The following ACAP1 variants were observed in gnomAD, a reference collection of about 807,000 sequenced individuals.
ACAP1 encodes the protein ArfGAP with coiled-coil, ankyrin repeat and PH domains 1, also known as arf-GAP with coiled-coil, ANK repeat and PH domain-containing protein 1.
Under a neutral mutation model 98.8 loss-of-function variants are expected in ACAP1, and 45 were observed. The ratio of observed to expected loss-of-function variants is 0.46; its 90% CI spans 0.36 to 0.58. ACAP1 has a LOEUF of 0.58. Ranked by LOEUF, ACAP1 falls within the 20% of genes least tolerant of loss-of-function variation. ACAP1 has a pLI of 0.00. For missense variants in ACAP1, 735 were observed against 971.4 expected (o/e 0.76, Z 3.24); for synonymous variants, 362 against 375.3 (o/e 0.96, Z 0.41).
At chr17:7,346,083 C>A in intron 10 of ACAP1, 161 bp from the exon 11 acceptor site, 1 of 712,668 alleles carries the variant, frequency 1.4e-6, no homozygotes, top group South Asian at 1.6e-5. Context: ...TTTAGATGTT[C>A]CAATCTGCAC....
intron 2 of ACAP1, among the ~76,000 whole-genome samples, chr17:7,339,101 T>C (rs897668538): frequency 8.3e-5 from 12 of 145,284 alleles, no homozygotes; most frequent in South Asian, 2.2e-4. Flanking sequence ...CCATCCTGGC[T>C]AACACTGTGA....
Position 7,350,867 on chromosome 17 carries a change from C to T in ACAP1, c.2073-83C>T, listed in dbSNP as rs538364325. Reference sequence around the variant, plus strand: ...CCTCGTGATCCGCCTGCCTCGGCCTCCCAAAGTGTTGGGATTACAGGCGTG... The same window carrying T: ...CCTCGTGATCCGCCTGCCTCGGCCTTCCAAAGTGTTGGGATTACAGGCGTG... On this transcript the variant is annotated intron_variant, in intron 20 of 21. Transcript: ENST00000158762. The surrounding 1 kb of genome is among the most constrained non-coding windows in gnomAD (Gnocchi z 4.6). 4.9e-6 allele frequency: 7 copies of T among 1,420,552 alleles called. No homozygotes were observed. The Admixed American group carries it at 1.0e-4, about 21-fold the overall frequency. The allele number at this position is 1,420,552 out of a possible 1,614,324, so 88.0% of individuals were successfully genotyped here.
rs766639011 is a variant in ACAP1 at position 7,346,383 on chromosome 17, C to T, written c.907-8C>T. 2 of 1,613,948 alleles carry T rather than the reference C, an allele frequency of 1.2e-6. No individual in the cohort carries two copies. Among genetic ancestry groups the T allele is most frequent in the Non-Finnish European group, 1.7e-6 (2 of 1,179,872 alleles). ...GACATCTGGCCCCTTATCACCTTAT[C>T]CTGCCAGGACCCTGTGACTGTGGTG... On this transcript the variant is annotated splice_region_variant and splice_polypyrimidine_tract_variant and intron_variant, in intron 11 of 21. Coordinates refer to ENST00000158762, the MANE Select transcript of ACAP1 (RefSeq NM_014716.4).
chr17:7,343,956 G>T lies in ACAP1; in HGVS notation c.669G>T (p.Gln223His). The T allele has an allele frequency of 6.3e-7, 1 of 1,586,826 alleles. No individual in the cohort carries two copies. The highest frequency in any genetic ancestry group is 8.6e-7 in the Non-Finnish European group (1 of 1,165,954). Residue 223 changes from glutamine to histidine, a missense_variant and splice_region_variant, in exon 8 of 22, where the codon CAG becomes CAT. Coordinates refer to ENST00000158762, the MANE Select transcript of ACAP1 (RefSeq NM_014716.4). This position sits in a 1 kb window ranked among gnomAD's most constrained non-coding sequence, Gnocchi z 4.9. ...AGTATCGAAAGGAGCTGGGCGCCCAGGTGGGGCCCCAGGGCACAGCAGGTG... is the reference window on the plus strand; with the variant it reads ...AGTATCGAAAGGAGCTGGGCGCCCATGTGGGGCCCCAGGGCACAGCAGGTG... ...LSQYRKELGA[Q>H]LHQLVLNSAR...
intron 5 of ACAP1, chr17:7,342,816 G>A (rs1044461202): frequency 2.0e-5 from 7 of 357,622 alleles, no homozygotes; most frequent in Non-Finnish European, 3.2e-5. Flanking sequence ...GCCGAGGCAG[G>A]AGAATCATTT....
intron 15 of ACAP1, 52 bp from the exon 16 acceptor site, chr17:7,348,075 A>G: frequency 6.2e-7 from 1 of 1,609,710 alleles, no homozygotes; most frequent in Non-Finnish European, 8.5e-7. Context: ...ATCCCTGAGG[A>G]GTCACTCACC....
In ACAP1 at chr17:7,350,982, C is replaced by T; in HGVS notation, c.2105C>T (p.Ala702Val). 6.2e-7 allele frequency: 1 copy of T among 1,614,144 alleles called. No individual in the cohort carries two copies. ...CTGGCAAAGATGAGGGAGGCTGAAGCGGCCCAGGGGCAGGCAGGTAAAGAA... is the reference window on the plus strand; with the variant it reads ...CTGGCAAAGATGAGGGAGGCTGAAGTGGCCCAGGGGCAGGCAGGTAAAGAA... ...LRLAKMREAE[A>V]AQGQAGDETY... is the part of the protein sequence containing the mutation. The change falls in exon 21 of 22, where the codon GCG (alanine) becomes GTG (valine). Residue 702 changes from alanine (A) to valine (V), a missense_variant. Ala to Val is a moderately conservative substitution (Grantham distance 64, BLOSUM62 0). This residue lies in a region of ACAP1 where 142 missense variants were observed against 224.1 expected (regional missense o/e 0.63). Coordinates refer to ENST00000158762, the MANE Select transcript of ACAP1 (RefSeq NM_014716.4). This position sits in a 1 kb window ranked among gnomAD's most constrained non-coding sequence, Gnocchi z 4.6.
intron 2 of ACAP1, among the ~76,000 whole-genome samples, chr17:7,339,118 G>A (rs1032349385): frequency 5.4e-5 from 8 of 149,276 alleles, no homozygotes; most frequent in East Asian, 2.1e-4. Flanking sequence ...GTGAAACCCC[G>A]TCTCTACTAA....
chr17:7,348,593 C>G, intron 17 of ACAP1, 118 bp downstream of exon 17: 3 of 1,166,080 alleles, frequency 2.6e-6, no homozygotes, highest in Non-Finnish European at 3.5e-6. Context: ...GTCGGAGGGA[C>G]CGGACTGCCG....
intron 2 of ACAP1, 63 bp downstream of exon 2, chr17:7,337,432 G>T (rs1469409085): frequency 5.5e-5 from 78 of 1,413,292 alleles, no homozygotes; most frequent in Non-Finnish European, 7.4e-5. Context: ...GGGCCAGGGA[G>T]AAAGCTGGAG....
In ACAP1 at chr17:7,342,074, G is replaced by C. The variant is rs756150724; in HGVS notation, c.231+7G>C. The stretch of plus-strand genomic sequence containing the variant: ...ACCAGAGCCCATGATGGCGGTATGC[G>C]GAGGGTCTGCATCTGGGAGGGAAGG... On this transcript the variant is annotated splice_region_variant and intron_variant, in intron 3 of 21. Transcript: ENST00000158762. The C allele has an allele frequency of 1.2e-5, 20 of 1,613,612 alleles. No individual in the cohort carries two copies. Among genetic ancestry groups the C allele is most frequent in the Non-Finnish European group, 1.6e-5 (19 of 1,179,842 alleles).
In ACAP1 at chr17:7,343,658, T is replaced by G; in HGVS notation, c.529-48T>G. 3 of 1,602,404 alleles carry G rather than the reference T, an allele frequency of 1.9e-6. No homozygotes were observed. The highest frequency in any genetic ancestry group is 2.6e-6 in the Non-Finnish European group (3 of 1,172,408). ...GTGTGCAGTGGGAAGGGGTGCTGTG[T>G]CTTCAAGACTGATCTGGGGTTTTTT... is the stretch of plus-strand genomic sequence containing the variant. On this transcript the variant is annotated intron_variant, in intron 6 of 21. Transcript: ENST00000158762. The surrounding 1 kb of genome is among the most constrained non-coding windows in gnomAD (Gnocchi z 4.9).
At position 7,343,619 on chromosome 17, in the gene ACAP1, C is replaced by G. The variant is rs772433519; in HGVS notation, c.528+57C>G. The G allele has an allele frequency of 3.8e-6, 6 of 1,596,612 alleles. No individual in the cohort carries two copies. Among genetic ancestry groups the G allele is most frequent in the Admixed American group, 1.7e-5 (1 of 59,016 alleles). On this transcript the variant is annotated intron_variant, in intron 6 of 21. Coordinates refer to ENST00000158762, the MANE Select transcript of ACAP1 (RefSeq NM_014716.4). The surrounding 1 kb of genome is among the most constrained non-coding windows in gnomAD (Gnocchi z 4.9). Reference sequence around the variant, plus strand: ...CAGAGCCTCAAGTGTCACCTCGAGGCTTGGGGGTCTCCAGTGTGCAGTGGG... The same window carrying G: ...CAGAGCCTCAAGTGTCACCTCGAGGGTTGGGGGTCTCCAGTGTGCAGTGGG...
intron 1 of ACAP1, 141 bp downstream of exon 1, chr17:7,336,928 C>G (rs1027779099): frequency 3.5e-6 from 3 of 861,762 alleles, no homozygotes; most frequent in Non-Finnish European, 3.8e-6. Context: ...AAAGTGGTAC[C>G]CCAGCTGTGA....
rs1468561458 is a variant in ACAP1, at chr17:7,349,147, C to T, written c.1831C>T (p.Leu611=). ...TGGGGGCCAAGATAATGCCACACCG[C>T]TGATCCAGGCCACAGCTGCTGTAAG... ...VNGGQDNATP[L]IQATAANSLL... is the part of the protein sequence containing the mutation. Residue 611 remains leucine (L), a synonymous_variant, in exon 18 of 22, where the codon CTG becomes TTG. Coordinates refer to ENST00000158762, the MANE Select transcript of ACAP1 (RefSeq NM_014716.4). The T allele has an allele frequency of 1.2e-6, 2 of 1,613,894 alleles. No individual in the cohort carries two copies. Among genetic ancestry groups the T allele is most frequent in the African/African-American group, 1.3e-5 (1 of 74,898 alleles).
rs758111510 is a variant in ACAP1, at chr17:7,346,900, G to A, written c.1100G>A (p.Arg367His). Residue 367 changes from arginine (R) to histidine (H), a missense_variant, in exon 13 of 22, where the codon CGC (arginine) becomes CAC (histidine). Physicochemically the swap from Arg to His is conservative, Grantham distance 29. Around this residue, in one of 5 missense-constraint regions of ACAP1, gnomAD observed 430 missense variants for 531.8 expected, o/e 0.81. Transcript: ENST00000158762. ...SSIASAFSQA[R>H]LDDSPRGPGQ... ...ATTGCTTCTGCCTTCAGTCAGGCTC[G>A]CCTTGATGACAGCCCCCGGGGTCCA... The A allele has an allele frequency of 1.6e-5, 26 of 1,612,884 alleles. No individual in the cohort carries two copies. Among genetic ancestry groups the A allele is most frequent in the East Asian group, 2.2e-5 (1 of 44,864 alleles).
intron 10 of ACAP1, 163 bp from the exon 11 acceptor site, chr17:7,346,081 T>G: frequency 1.4e-6 from 1 of 709,684 alleles, no homozygotes; most frequent in Non-Finnish European, 2.5e-6. Flanking sequence ...CCTTTAGATG[T>G]TCCAATCTGC....
At position 7,351,463 on chromosome 17, in the gene ACAP1, C is replaced by A; in HGVS notation, c.*68C>A. 1.7e-6 allele frequency: 2 copies of A among 1,203,674 alleles called. No individual in the cohort carries two copies. Among genetic ancestry groups the A allele is most frequent in the Non-Finnish European group, 2.4e-6 (2 of 840,094 alleles). The allele number at this position is 1,203,674 out of a possible 1,614,324, so 74.6% of individuals were successfully genotyped here. On this transcript the variant is annotated 3_prime_UTR_variant, in exon 22 of 22. Coordinates refer to ENST00000158762, the MANE Select transcript of ACAP1 (RefSeq NM_014716.4). ...CCGGGCCCTCTGCCATTAAAGCCTCCGTGCTTCGCTCTTCCCTTCTGGTTC... is the reference window on the plus strand; with the variant it reads ...CCGGGCCCTCTGCCATTAAAGCCTCAGTGCTTCGCTCTTCCCTTCTGGTTC...
chr17:7,341,183 G>A (rs1194745235), intron 2 of ACAP1, among the ~76,000 whole-genome samples: 1 of 152,178 alleles, frequency 6.6e-6, no homozygotes, highest in Non-Finnish European at 1.5e-5. Context: ...CAGAGTCTCG[G>A]TCTGTCACCC....
Sources: allele counts gnomAD v4.1 joint callset (sites outside exome capture counted in the v4.1 genomes callset), GRCh38; gene constraint gnomAD v4.1.1; regional missense constraint gnomAD v4.1.1; non-coding constraint Gnocchi (gnomAD v3.1); transcripts MANE v1.5; gene names NCBI Gene and HGNC (gene_info 2026-07-23, HGNC 2026-07-21).